Variants in RTN3 observed in about 807,000 individuals in gnomAD.
The protein encoded by RTN3 is reticulon 3, also known as reticulon-3.
Under a neutral mutation model 77.8 loss-of-function variants are expected in RTN3, and 49 were observed. That is an observed-to-expected ratio of 0.63 (90% CI 0.50 to 0.80). The LOEUF is 0.80. Among genes scored for constraint, RTN3 ranks in the 30% least tolerant of loss-of-function variants. RTN3 has a pLI of 0.00. For missense variants in RTN3, 1,236 were observed against 1,211.9 expected (o/e 1.02, Z -0.29); for synonymous variants, 464 against 446.9 (o/e 1.04, Z -0.48).
chr11:63,703,666 C>A (rs1248694110), intron 1 of RTN3, among the ~76,000 whole-genome samples: 1 of 151,526 alleles, frequency 6.6e-6, no homozygotes, highest in Non-Finnish European at 1.5e-5. Context: ...CCTCAGCCTC[C>A]CGAGTAGCTG....
At chr11:63,681,899 C>T (rs1941074522) in intron 1 of RTN3, 121 bp downstream of exon 1, 6 of 1,081,822 alleles carry the variant, frequency 5.5e-6, no homozygotes, top group Non-Finnish European at 7.6e-6. Context: ...CGGCTTCAGC[C>T]CCCCGGGGAC....
At chr11:63,737,600 ACT>A (rs1219106097) in intron 3 of RTN3, among the ~76,000 whole-genome samples, 4 of 152,026 alleles carry the variant, frequency 2.6e-5, no homozygotes, top group East Asian at 1.9e-4. Context: ...ACAGAATGAG[ACT>A]CTGTCTCAAC....
chr11:63,756,571 G>T (rs928211339), intron 8 of RTN3, among the ~76,000 whole-genome samples: 1 of 152,080 alleles, frequency 6.6e-6, no homozygotes, highest in Non-Finnish European at 1.5e-5. Context: ...TACTGGAGAG[G>T]CTGAGACAAG....
chr11:63,682,138 G>A (rs1284105162), intron 1 of RTN3, among the ~76,000 whole-genome samples: 1 of 152,216 alleles, frequency 6.6e-6, no homozygotes, highest in African/African-American at 2.4e-5. Flanking sequence ...AGATTGAAAG[G>A]ATACGGGCAG....
chr11:63,745,095 T>C (rs1325284483), intron 3 of RTN3, among the ~76,000 whole-genome samples: 2 of 152,180 alleles, frequency 1.3e-5, no homozygotes, highest in Non-Finnish European at 2.9e-5. Flanking sequence ...TTTTAAACTA[T>C]TGGCAACTGC....
chr11:63,713,073 C>T (rs1402092308), intron 2 of RTN3, among the ~76,000 whole-genome samples: 1 of 151,926 alleles, frequency 6.6e-6, no homozygotes, highest in East Asian at 1.9e-4. Flanking sequence ...CCAGCCTGGG[C>T]AAAAAGAGTG....
intron 2 of RTN3, 133 bp downstream of exon 2, chr11:63,705,040 T>C: frequency 1.3e-6 from 1 of 750,468 alleles, no homozygotes; most frequent in Non-Finnish European, 2.3e-6. Context: ...AAGCTGATTC[T>C]TTCTATTTAG....
At chr11:63,696,881 C>CTTTT (rs1193148114) in intron 1 of RTN3, among the ~76,000 whole-genome samples, 6 of 16,522 alleles carry the variant, frequency 3.6e-4, no homozygotes, top group African/African-American at 1.2e-3. Context: ...TTCTTTCTTT[C>CTTTT]TTTTTTTTTT....
intron 1 of RTN3, among the ~76,000 whole-genome samples, chr11:63,696,028 AT>A (rs1263277383): frequency 1.3e-5 from 2 of 151,476 alleles, no homozygotes; most frequent in Non-Finnish European, 2.9e-5. Flanking sequence ...TTAATGACTT[AT>A]CCTATTGTTT....
chr11:63,720,879 C>G lies in RTN3; in HGVS notation c.2377C>G (p.Leu793Val), dbSNP rs143160052. The change falls in exon 3 of 9, where the codon CTA (leucine) becomes GTA (valine). Residue 793 changes from leucine to valine, a missense_variant. By Grantham distance (32) the Leu-to-Val change is conservative. This residue lies in a region of RTN3 where 1,056 missense variants were observed against 990.4 expected (regional missense o/e 1.07). Transcript: ENST00000377819. ...ESWPQRSYDI[L>V]ERNVKNGSDL... ...TTGGCCACAGAGATCATATGACATC[C>G]TAGAACGTAATGTCAAGAATGGATC... 10 of 1,613,882 alleles carry G rather than the reference C, an allele frequency of 6.2e-6. No individual in the cohort carries two copies. Among genetic ancestry groups the G allele is most frequent in the Non-Finnish European group, 8.5e-6 (10 of 1,179,990 alleles).
chr11:63,740,287 C>A (rs1565337465), intron 3 of RTN3, among the ~76,000 whole-genome samples: 1 of 143,944 alleles, frequency 6.9e-6, no homozygotes, highest in Non-Finnish European at 1.5e-5. Context: ...ATCTTAGTTT[C>A]TTTTTTTTTT....
At chr11:63,755,836 G>A (rs907926117) in intron 7 of RTN3, among the ~76,000 whole-genome samples, 2 of 151,554 alleles carry the variant, frequency 1.3e-5, no homozygotes, top group African/African-American at 2.4e-5. Context: ...GCGGGCGCCC[G>A]TAGTCCCAGC....
At chr11:63,746,823 A>G (rs2013825895) in intron 3 of RTN3, 3 of 375,184 alleles carry the variant, frequency 8.0e-6, no homozygotes, top group South Asian at 5.8e-5. Context: ...TGTTAAGGAA[A>G]TTTAACAGTA....
Position 63,753,641 on chromosome 11 carries a change from TC to T in RTN3, c.2948-18del. 6.2e-7 allele frequency: 1 copy of T among 1,610,480 alleles called. No homozygotes were observed. Among genetic ancestry groups the T allele is most frequent in the South Asian group, 1.1e-5 (1 of 90,940 alleles). On this transcript the variant is annotated intron_variant, in intron 6 of 8. Coordinates refer to ENST00000377819, the MANE Select transcript of RTN3 (RefSeq NM_001265589.2). ...CTGTCTCTCATATACACTTGCCATG[TC>T]CCATGATTCTGTCTTACAGCTGAAC...
chr11:63,720,756 G>A lies in RTN3; in HGVS notation c.2254G>A (p.Gly752Ser). The change falls in exon 3 of 9, where the codon GGT becomes AGT. Residue 752 changes from glycine to serine, a missense_variant. Physicochemically the swap from Gly to Ser is moderately conservative, Grantham distance 56 (BLOSUM62 0). Coordinates refer to ENST00000377819, the MANE Select transcript of RTN3 (RefSeq NM_001265589.2). ...CACAATTAAGGCTCTTAAAGAATTA[G>A]GTGAAAGACAGGTTGAGAAGTCAAC... ...QLTIKALKELGERQVEKSTSA... is the reference protein window; with the variant it reads ...QLTIKALKELSERQVEKSTSA... The A allele has an allele frequency of 6.2e-7, 1 of 1,614,134 alleles. No homozygotes were observed. Among genetic ancestry groups the A allele is most frequent in the Non-Finnish European group, 8.5e-7 (1 of 1,180,024 alleles).
intron 3 of RTN3, among the ~76,000 whole-genome samples, chr11:63,727,028 A>G (rs1337982394): frequency 6.6e-6 from 1 of 151,476 alleles, no homozygotes; most frequent in Non-Finnish European, 1.5e-5. Context: ...CATCTCCACT[A>G]AAAAATACAA....
chr11:63,720,689 A>G lies in RTN3; in HGVS notation c.2187A>G (p.Gln729=), dbSNP rs2011712081. The G allele has an allele frequency of 5.0e-6, 8 of 1,614,182 alleles. No homozygotes were observed. Among genetic ancestry groups the G allele is most frequent in the Non-Finnish European group, 5.9e-6 (7 of 1,180,012 alleles). The change falls in exon 3 of 9, where the codon CAA becomes CAG. Residue 729 remains glutamine, a synonymous_variant. Transcript: ENST00000377819. ...AGCCTCTAGGTGTTTTCCCTACCCA[A>G]GGTACTCCAGTAGCATCTCTTGACT... ...GSEPLGVFPT[Q]GTPVASLDLE... is the part of the protein sequence containing the mutation.
chr11:63,733,638 G>C (rs1314071502), intron 3 of RTN3, among the ~76,000 whole-genome samples: 1 of 152,096 alleles, frequency 6.6e-6, no homozygotes, highest in South Asian at 2.1e-4. Context: ...GGGAGGCTGA[G>C]GTGGGAGACT....
At chr11:63,711,033 C>G (rs1357999693) in intron 2 of RTN3, among the ~76,000 whole-genome samples, 2 of 152,080 alleles carry the variant, frequency 1.3e-5, no homozygotes, top group East Asian at 1.9e-4. Flanking sequence ...AATCCCAGCA[C>G]TTGTGGGAGG....
Sources: allele counts gnomAD v4.1 joint callset (sites outside exome capture counted in the v4.1 genomes callset), GRCh38; gene constraint gnomAD v4.1.1; regional missense constraint gnomAD v4.1.1; transcripts MANE v1.5; gene names NCBI Gene and HGNC (gene_info 2026-07-23, HGNC 2026-07-21).